RALA: variants seen among roughly 807,000 people sequenced by gnomAD.
The protein encoded by RALA is ras-related protein Ral-A.
A neutral mutation model predicts 24.0 loss-of-function variants in RALA; 5 were observed. The observed-to-expected ratio is 0.21, with a 90% CI of 0.11 to 0.44. The LOEUF (loss-of-function observed/expected upper bound fraction) is 0.44, where lower values mean the gene tolerates loss of function less well. RALA is among the 20% of genes least tolerant of loss of function. The pLI is 0.99. For synonymous variants in RALA, 77 were observed against 83.8 expected (o/e 0.92, Z 0.44); for missense variants, 95 against 241.2 (o/e 0.39, Z 4.01).
chr7:39,678,697 T>C (rs1258239075), intron 1 of RALA, among the ~76,000 whole-genome samples: 1 of 152,222 alleles, frequency 6.6e-6, no homozygotes, highest in African/African-American at 2.4e-5. Context: ...GGCATGTACA[T>C]GTGGATAAGT....
At chr7:39,682,757 C>T (rs145613198) in intron 1 of RALA, among the ~76,000 whole-genome samples, 148 of 152,312 alleles carry the variant, frequency 9.7e-4, no homozygotes, top group African/African-American at 3.3e-3. Context: ...ATTCTCCTGC[C>T]TCAGCCTCCC....
chr7:39,633,692 G>C (rs1489902942), intron 1 of RALA, among the ~76,000 whole-genome samples: 2 of 152,190 alleles, frequency 1.3e-5, no homozygotes, highest in Non-Finnish European at 2.9e-5. Context: ...GTACATATCT[G>C]TGGGTGGTTC....
chr7:39,639,425 T>A (rs1210612510), intron 1 of RALA, among the ~76,000 whole-genome samples: 2 of 152,146 alleles, frequency 1.3e-5, no homozygotes, highest in African/African-American at 4.8e-5. Flanking sequence ...GGCGGTGATG[T>A]GCGCACGTAG....
chr7:39,638,065 G>T (rs539970509), intron 1 of RALA, among the ~76,000 whole-genome samples: 1 of 152,172 alleles, frequency 6.6e-6, no homozygotes, highest in Non-Finnish European at 1.5e-5. Flanking sequence ...GTCTCCTAAT[G>T]TCTCTCTCTT....
chr7:39,665,648 G>GTT (rs34551838), intron 1 of RALA, among the ~76,000 whole-genome samples: 147 of 145,590 alleles, frequency 1.0e-3, no homozygotes, highest in Middle Eastern at 7.1e-3. Context: ...CTGCAATGTA[G>GTT]TTTTTTTTTT....
At chr7:39,695,591 T>C (rs1053189513) in intron 3 of RALA, among the ~76,000 whole-genome samples, 2 of 152,010 alleles carry the variant, frequency 1.3e-5, no homozygotes, top group African/African-American at 4.8e-5. Context: ...TTTATAGATA[T>C]GGGGGTCTCA....
intron 1 of RALA, among the ~76,000 whole-genome samples, chr7:39,654,208 T>G (rs1243296809): frequency 1.3e-5 from 2 of 152,230 alleles, no homozygotes; most frequent in East Asian, 1.9e-4. Flanking sequence ...CATAATTGCT[T>G]CTTTCACCAT....
intron 1 of RALA, among the ~76,000 whole-genome samples, chr7:39,674,272 G>A (rs1583737482): frequency 6.6e-6 from 1 of 152,046 alleles, no homozygotes; most frequent in Admixed American, 6.6e-5. Flanking sequence ...CAGTTTCCAT[G>A]TGATTAAGTG....
intron 3 of RALA, among the ~76,000 whole-genome samples, chr7:39,690,830 C>G (rs1381780254): frequency 6.6e-6 from 1 of 152,202 alleles, no homozygotes; most frequent in Non-Finnish European, 1.5e-5. Context: ...GATTTTGTGA[C>G]AGCTTCAGTT....
At chr7:39,692,407 A>G (rs1442354942) in intron 3 of RALA, among the ~76,000 whole-genome samples, 1 of 152,218 alleles carries the variant, frequency 6.6e-6, no homozygotes, top group Non-Finnish European at 1.5e-5. Context: ...TCTTGATTCA[A>G]AAACCTTTAC....
chr7:39,629,842 G>C (rs1791560516), intron 1 of RALA, among the ~76,000 whole-genome samples: 1 of 152,050 alleles, frequency 6.6e-6, no homozygotes, highest in Non-Finnish European at 1.5e-5. Context: ...TGATCCACCT[G>C]CCTCGGCCTC....
intron 1 of RALA, among the ~76,000 whole-genome samples, chr7:39,625,297 A>T (rs1043247949): frequency 4.6e-5 from 7 of 152,204 alleles, no homozygotes; most frequent in African/African-American, 1.7e-4. Flanking sequence ...AAAGGTTAAA[A>T]TTATATTAAA....
At chr7:39,677,302 G>A (rs1264425905) in intron 1 of RALA, among the ~76,000 whole-genome samples, 1 of 151,674 alleles carries the variant, frequency 6.6e-6, no homozygotes, top group Non-Finnish European at 1.5e-5. Flanking sequence ...AGAATATGCG[G>A]TGTTTGGTTT....
intron 1 of RALA, among the ~76,000 whole-genome samples, chr7:39,627,470 G>C (rs1791512837): frequency 6.6e-6 from 1 of 152,124 alleles, no homozygotes; most frequent in African/African-American, 2.4e-5. Flanking sequence ...TAAAGTCTGG[G>C]ATCCAATTTT....
rs192366979 is a variant in RALA, at chr7:39,644,772, A to G, written c.-38+20947A>G. ...ATTTGTTCTTCAACCAAAAAAGATT[A>G]GGTAAATATATAGTCCAGAATATTT... is the stretch of plus-strand genomic sequence containing the variant. On this transcript the variant is annotated intron_variant, in intron 1 of 4. Transcript: ENST00000005257. Among the ~76,000 whole-genome samples the G allele has an allele frequency of 2.0e-4, 31 of 152,334 alleles. No individual in the cohort carries two copies. In the East Asian group the frequency reaches 4.4e-3, roughly 22 times the overall value.
intron 1 of RALA, among the ~76,000 whole-genome samples, chr7:39,659,428 T>C (rs942476233): frequency 6.6e-5 from 10 of 152,218 alleles, no homozygotes; most frequent in African/African-American, 2.2e-4. Context: ...AACTTCACGT[T>C]ATGTTTTGTA....
chr7:39,641,935 G>A (rs1476264817), intron 1 of RALA, among the ~76,000 whole-genome samples: 13 of 152,032 alleles, frequency 8.6e-5, no homozygotes, highest in Admixed American at 8.5e-4. Flanking sequence ...TACTTTTTGG[G>A]ATTTATTTTA....
chr7:39,631,899 G>A (rs982462335), intron 1 of RALA, among the ~76,000 whole-genome samples: 1 of 152,194 alleles, frequency 6.6e-6, no homozygotes, highest in African/African-American at 2.4e-5. Context: ...TCTGCAGGCT[G>A]TACTGGCATG....
chr7:39,671,686 T>G (rs954893696), intron 1 of RALA, among the ~76,000 whole-genome samples: 10 of 152,234 alleles, frequency 6.6e-5, no homozygotes, highest in Admixed American at 5.9e-4. Flanking sequence ...ATAAATTTTA[T>G]TTTGCAGACA....
Sources: allele counts gnomAD v4.1 joint callset (sites outside exome capture counted in the v4.1 genomes callset), GRCh38; gene constraint gnomAD v4.1.1; transcripts MANE v1.5; gene names NCBI Gene and HGNC (gene_info 2026-07-23, HGNC 2026-07-21).